KCNG2: variants seen among roughly 807,000 people sequenced by gnomAD.
The protein encoded by KCNG2 is potassium voltage-gated channel modifier subfamily G member 2, also known as voltage-gated potassium channel regulatory subunit KCNG2.
KCNG2 carries 7 observed loss-of-function variants against 12.3 expected under a neutral mutation model. That is an observed-to-expected ratio of 0.57 (90% CI 0.32 to 1.07). The LOEUF is 1.07. KCNG2 is among the 50% of genes least tolerant of loss of function. KCNG2 has a pLI of 0.04. For missense variants in KCNG2, 703 were observed against 726.0 expected (o/e 0.97, Z 0.36); for synonymous variants, 414 against 351.4 (o/e 1.18, Z -1.99).
chr18:79,848,130 G>A (rs1978685977), intron 1 of KCNG2, among the ~76,000 whole-genome samples: 1 of 152,156 alleles, frequency 6.6e-6, no homozygotes, highest in Non-Finnish European at 1.5e-5. Flanking sequence ...ACCCTAGCGT[G>A]GGCTCAGCAG....
intron 3 of KCNG2, among the ~76,000 whole-genome samples, chr18:79,896,156 G>A (rs1412796744): frequency 2.0e-5 from 3 of 152,234 alleles, no homozygotes; most frequent in African/African-American, 7.2e-5. Context: ...AGTAGAGACA[G>A]GGTTTTGCCG....
intron 3 of KCNG2, among the ~76,000 whole-genome samples, chr18:79,874,094 C>T (rs1979971883): frequency 1.3e-5 from 2 of 152,344 alleles, no homozygotes; most frequent in South Asian, 2.1e-4. Flanking sequence ...CTGACTGCCT[C>T]GGGAATCCTT....
chr18:79,899,279 G>A lies in KCNG2; in HGVS notation c.864G>A (p.Arg288=). ...TGGAGCGCGCGGGGCTGGTGCTGCG[G>A]CTGCTGCGTGCGCTGCGCGTGCTCT... ...KLLERAGLVL[R]LLRALRVLYV... Residue 288 remains arginine, a synonymous_variant, in exon 4 of 4, where the codon CGG becomes CGA. Transcript: ENST00000316249. 1 of 1,575,614 alleles carries A rather than the reference G, an allele frequency of 6.3e-7. No individual in the cohort carries two copies. Among genetic ancestry groups the A allele is most frequent in the Non-Finnish European group, 8.6e-7 (1 of 1,169,210 alleles).
At position 79,863,874 on chromosome 18, in the gene KCNG2, C is replaced by A. The variant is rs780519594; in HGVS notation, c.207C>A (p.Phe69Leu). 48 of 1,473,054 alleles carry A rather than the reference C, an allele frequency of 3.3e-5. No homozygotes were observed. Among genetic ancestry groups the A allele is most frequent in the Non-Finnish European group, 4.1e-5 (46 of 1,109,860 alleles). 91.2% of individuals were successfully genotyped at this position (1,473,054 alleles called of 1,614,324 possible). ...ACTACGACGTGAGCCGCGACGAGTT[C>A]TTCTTCGACCGCAGCCCGTGCGCCT... ...CDDYDVSRDE[F>L]FFDRSPCAFR... is the part of the protein sequence containing the mutation. The change falls in exon 3 of 4, where the codon TTC (phenylalanine) becomes TTA (leucine). Residue 69 changes from phenylalanine to leucine, a missense_variant. Physicochemically the swap from Phe to Leu is conservative, Grantham distance 22. Coordinates refer to ENST00000316249, the MANE Select transcript of KCNG2 (RefSeq NM_012283.2).
At chr18:79,894,478 T>G (rs1403495047) in intron 3 of KCNG2, among the ~76,000 whole-genome samples, 2 of 152,180 alleles carry the variant, frequency 1.3e-5, no homozygotes, top group East Asian at 3.9e-4. Flanking sequence ...TCCATTCACT[T>G]CTAATGTTAC....
chr18:79,855,507 G>A (rs1978978180), intron 1 of KCNG2, among the ~76,000 whole-genome samples: 1 of 152,086 alleles, frequency 6.6e-6, no homozygotes, highest in Admixed American at 6.5e-5. Context: ...TCACTGGCCT[G>A]CGACCACCTT....
At chr18:79,848,711 G>T (rs2123045624) in intron 1 of KCNG2, among the ~76,000 whole-genome samples, 1 of 152,288 alleles carries the variant, frequency 6.6e-6, no homozygotes, top group South Asian at 2.1e-4. Context: ...CCACGGGCTG[G>T]GGCACAGCTG....
rs1450391716 is a variant in KCNG2 at position 79,803,684 on chromosome 18, C to T, written c.-115+5670C>T. On this transcript the variant is annotated intron_variant, in intron 1 of 3. Transcript: ENST00000316249. The surrounding 1 kb of genome is among the most constrained non-coding windows in gnomAD (Gnocchi z 4.5). ...TGACGGAGGAGGCGTTTTCTCCCAT[C>T]CCGCCCCAGCAGGGAGCCTGCCCTC... Among the ~76,000 whole-genome samples the T allele has an allele frequency of 1.3e-5, 2 of 152,168 alleles. No homozygotes were observed. Among genetic ancestry groups the T allele is most frequent in the African/African-American group, 4.8e-5 (2 of 41,444 alleles).
At chr18:79,799,723 C>T (rs1265987151) in intron 1 of KCNG2, among the ~76,000 whole-genome samples, 1 of 152,252 alleles carries the variant, frequency 6.6e-6, no homozygotes, top group Non-Finnish European at 1.5e-5. Context: ...AGTGAGTTCT[C>T]AGCTGCCACA....
At chr18:79,860,117 G>A (rs1599399902) in intron 2 of KCNG2, among the ~76,000 whole-genome samples, 1 of 152,228 alleles carries the variant, frequency 6.6e-6, no homozygotes, top group African/African-American at 2.4e-5. Flanking sequence ...AAGGTTGCGG[G>A]GTAGGTACCA....
intron 1 of KCNG2, among the ~76,000 whole-genome samples, chr18:79,814,484 T>C (rs1256330449): frequency 6.6e-6 from 1 of 152,146 alleles, no homozygotes; most frequent in Admixed American, 6.6e-5. Flanking sequence ...AGAAAGCCAG[T>C]CTCAAAATAA....
intron 2 of KCNG2, among the ~76,000 whole-genome samples, chr18:79,858,282 G>T (rs541511494): frequency 6.6e-6 from 1 of 152,208 alleles, no homozygotes. Flanking sequence ...GATTACAGGC[G>T]TGAGCCACCG....
intron 3 of KCNG2, among the ~76,000 whole-genome samples, chr18:79,891,366 G>A (rs1230987457): frequency 6.6e-6 from 1 of 152,056 alleles, no homozygotes; most frequent in Non-Finnish European, 1.5e-5. Flanking sequence ...AAGTAGCTGG[G>A]ACTGCAGGCA....
intron 1 of KCNG2, among the ~76,000 whole-genome samples, chr18:79,837,360 G>T (rs1351652142): frequency 6.6e-6 from 1 of 152,212 alleles, no homozygotes; most frequent in Non-Finnish European, 1.5e-5. Context: ...CTGAGTGATG[G>T]TGGCTTTTCC....
intron 1 of KCNG2, among the ~76,000 whole-genome samples, chr18:79,845,791 T>A (rs1978602422): frequency 6.6e-6 from 1 of 152,192 alleles, no homozygotes; most frequent in Non-Finnish European, 1.5e-5. Context: ...CTTTGGCATA[T>A]AGAAAATAAA....
chr18:79,840,358 C>T (rs918151631), intron 1 of KCNG2, among the ~76,000 whole-genome samples: 5 of 152,058 alleles, frequency 3.3e-5, no homozygotes, highest in Non-Finnish European at 5.9e-5. Context: ...AATATAATAC[C>T]CTTTACAATT....
chr18:79,899,803 G>A lies in KCNG2; in HGVS notation c.1388G>A (p.Arg463Gln), dbSNP rs780982352. The A allele has an allele frequency of 5.0e-6, 7 of 1,413,370 alleles. No homozygotes were observed. The highest frequency in any genetic ancestry group is 3.3e-5 in the Admixed American group (1 of 30,640). The allele number at this position is 1,413,370 out of a possible 1,614,324, so 87.6% of individuals were successfully genotyped here. A position where few individuals can be genotyped will look rare whatever the true frequency, so the allele number is the denominator to read the frequency against. ...ADDSADALWV[R>Q]AGR Reference sequence around the variant, plus strand: ...GACTCCGCGGATGCGCTGTGGGTGCGGGCAGGGCGCTGACGCCTGCGCCGC... The same window carrying A: ...GACTCCGCGGATGCGCTGTGGGTGCAGGCAGGGCGCTGACGCCTGCGCCGC... Residue 463 changes from arginine to glutamine, a missense_variant, in exon 4 of 4, where the codon CGG becomes CAG. Transcript: ENST00000316249.
intron 3 of KCNG2, among the ~76,000 whole-genome samples, chr18:79,872,694 C>G (rs1169700268): frequency 6.6e-6 from 1 of 152,234 alleles, no homozygotes; most frequent in African/African-American, 2.4e-5. Flanking sequence ...GACTGGCGCT[C>G]CCATCCAGCT....
intron 3 of KCNG2, among the ~76,000 whole-genome samples, chr18:79,895,695 G>A (rs145560532): frequency 2.0e-5 from 3 of 151,920 alleles, no homozygotes; most frequent in African/African-American, 4.8e-5. Flanking sequence ...ATATAGTTGA[G>A]TCTGTGTCTG....
Sources: gnomAD v4.1 joint callset for allele counts (sites outside exome capture counted in the v4.1 genomes callset) on GRCh38, gnomAD v4.1.1 for gene constraint, Gnocchi (gnomAD v3.1) non-coding constraint, MANE v1.5 for transcripts, NCBI Gene and HGNC (gene_info 2026-07-23, HGNC 2026-07-21) for gene names.